NRXN3: variants seen among roughly 807,000 people sequenced by gnomAD.
NRXN3 encodes neurexin III.
A neutral mutation model predicts 137.6 loss-of-function variants in NRXN3; 32 were observed. The observed-to-expected ratio is 0.23, with a 90% CI of 0.18 to 0.31. The LOEUF is 0.31. Ranked by LOEUF, NRXN3 falls within the 10% of genes least tolerant of loss-of-function variation. NRXN3 has a pLI of 1.00. For missense variants in NRXN3, 1,574 were observed against 2,062.5 expected, an observed-to-expected ratio of 0.76 and a Z score of 4.59; for synonymous variants, 798 against 784.5, an observed-to-expected ratio of 1.02 and a Z score of -0.29.
At chr14:79,122,546 A>C (rs1236613583) in intron 15 of NRXN3, among the ~76,000 whole-genome samples, 1 of 152,230 alleles carries the variant, frequency 6.6e-6, no homozygotes, top group Non-Finnish European at 1.5e-5. Flanking sequence ...AGACATTCTA[A>C]TATTATTTGG....
intron 19 of NRXN3, among the ~76,000 whole-genome samples, chr14:79,703,647 C>G (rs375191359): frequency 1.3e-5 from 2 of 151,952 alleles, no homozygotes; most frequent in Non-Finnish European, 1.5e-5. Context: ...CCTGATCCCC[C>G]CTCCCACCAG....
rs753283580 is a variant in NRXN3 at position 79,861,911 on chromosome 14, T to C, written c.4663T>C (p.Ser1555Pro). The C allele has an allele frequency of 6.2e-7, 1 of 1,613,884 alleles. No individual in the cohort carries two copies. Among genetic ancestry groups the C allele is most frequent in the South Asian group, 1.1e-5 (1 of 91,054 alleles). ...GCTCATGAAGGAGAAGCAGCAGAGC[T>C]CGAAGAGCGGCCACAAGAAACAGAA... is the stretch of plus-strand genomic sequence containing the variant. ...GTLMKEKQQSSKSGHKKQKNK... is the reference protein window; with the variant it reads ...GTLMKEKQQSPKSGHKKQKNK... The change falls in exon 21 of 21, where the codon TCG (serine) becomes CCG (proline). Residue 1555 changes from serine (S) to proline (P), a missense_variant. By Grantham distance (74) the Ser-to-Pro change is moderately conservative. Around this residue, in one of 5 missense-constraint regions of NRXN3, gnomAD observed 320 missense variants for 387.1 expected, o/e 0.83. Transcript: ENST00000335750. This position sits in a 1 kb window ranked among gnomAD's most constrained non-coding sequence, Gnocchi z 5.4.
intron 15 of NRXN3, among the ~76,000 whole-genome samples, chr14:79,031,202 G>A (rs947961131): frequency 6.6e-6 from 1 of 152,022 alleles, no homozygotes; most frequent in Non-Finnish European, 1.5e-5. Flanking sequence ...CTGCTCAGAG[G>A]CAATTGTTTG....
chr14:78,654,077 A>G (rs1003025806), intron 6 of NRXN3, among the ~76,000 whole-genome samples: 1 of 152,226 alleles, frequency 6.6e-6, no homozygotes, highest in Non-Finnish European at 1.5e-5. Flanking sequence ...TGAACAGATC[A>G]CTTTGAGTCT....
intron 15 of NRXN3, among the ~76,000 whole-genome samples, chr14:79,199,129 T>G (rs2065556293): frequency 6.6e-6 from 1 of 151,870 alleles, no homozygotes; most frequent in South Asian, 2.1e-4. Flanking sequence ...ATGGCGCCAC[T>G]GCGCTCCAGC....
intron 4 of NRXN3, among the ~76,000 whole-genome samples, chr14:78,620,283 G>A (rs893604320): frequency 1.3e-5 from 2 of 152,222 alleles, no homozygotes; most frequent in African/African-American, 4.8e-5. Flanking sequence ...AATGTTTACT[G>A]AGGTGTCTCC....
intron 15 of NRXN3, among the ~76,000 whole-genome samples, chr14:79,237,175 G>T (rs1267905611): frequency 6.6e-6 from 1 of 151,910 alleles, no homozygotes; most frequent in African/African-American, 2.4e-5. Flanking sequence ...TGTTGCAGTA[G>T]AGGAATTTGG....
chr14:79,615,914 G>A (rs1044594752), intron 16 of NRXN3, among the ~76,000 whole-genome samples: 4 of 152,082 alleles, frequency 2.6e-5, no homozygotes, highest in Admixed American at 6.6e-5. Context: ...ATTCTTTGAG[G>A]TATTATTCCC....
chr14:78,267,193 A>G (rs996983656), intron 2 of NRXN3, among the ~76,000 whole-genome samples: 1 of 152,184 alleles, frequency 6.6e-6, no homozygotes, highest in Admixed American at 6.5e-5. Context: ...TTTTATATAC[A>G]ATTGATTCTT....
At chr14:78,420,940 A>G (rs2093417398) in intron 4 of NRXN3, among the ~76,000 whole-genome samples, 1 of 152,146 alleles carries the variant, frequency 6.6e-6, no homozygotes. Flanking sequence ...AACTTATGAG[A>G]GTTGGAGAGC....
intron 4 of NRXN3, among the ~76,000 whole-genome samples, chr14:78,335,873 C>T (rs549352829): frequency 3.3e-5 from 5 of 152,122 alleles, no homozygotes; most frequent in Admixed American, 1.3e-4. Context: ...ATGGGAAAAG[C>T]CTGAGTCTAG....
intron 4 of NRXN3, among the ~76,000 whole-genome samples, chr14:78,359,401 GC>G (rs914536673): frequency 6.6e-6 from 1 of 152,162 alleles, no homozygotes; most frequent in African/African-American, 2.4e-5. Context: ...GTCACAGAGG[GC>G]CCCGTGCTCA....
rs1349173783 is a variant in NRXN3, at chr14:79,175,872, TTGTAG to T, written c.3262+187733_3262+187737del. On this transcript the variant is annotated intron_variant, in intron 15 of 20. Coordinates refer to ENST00000335750, the MANE Select transcript of NRXN3 (RefSeq NM_001330195.2). ...TTCCTGGCTAAGTTACAAAACAGTGTTGTAGTCGTGAAACTGAATATCATCAGCAC... is the reference window on the plus strand; with the variant it reads ...TTCCTGGCTAAGTTACAAAACAGTGTTCGTGAAACTGAATATCATCAGCAC... Among the ~76,000 whole-genome samples the T allele has an allele frequency of 2.0e-5, 3 of 152,340 alleles. No individual in the cohort carries two copies. In the East Asian group the frequency reaches 5.8e-4, roughly 29 times the overall value.
chr14:78,645,919 C>T (rs899652102), intron 5 of NRXN3, among the ~76,000 whole-genome samples: 3 of 152,088 alleles, frequency 2.0e-5, no homozygotes, highest in Non-Finnish European at 4.4e-5. Context: ...ATTTACTACC[C>T]TTTCCCAACT....
chr14:79,585,966 C>T (rs374505337), intron 16 of NRXN3, among the ~76,000 whole-genome samples: 4 of 152,204 alleles, frequency 2.6e-5, no homozygotes, highest in Admixed American at 1.3e-4. Context: ...TTACAGCATA[C>T]GAACGCCAAG....
chr14:79,791,840 T>C (rs1003234360), intron 19 of NRXN3, among the ~76,000 whole-genome samples: 5 of 152,132 alleles, frequency 3.3e-5, no homozygotes, highest in African/African-American at 1.2e-4. Flanking sequence ...TGGCCACTTT[T>C]AGTTGCAAAG....
At chr14:78,589,957 GAAACAAACAAACAAAA>G (rs944445224) in intron 4 of NRXN3, among the ~76,000 whole-genome samples, 2 of 152,076 alleles carry the variant, frequency 1.3e-5, no homozygotes, top group Admixed American at 6.5e-5. Context: ...AACTCCGTTT[GAAACAAACAAACAAAA>G]AAACAAACAA....
chr14:78,274,269 ACT>A (rs2073243645), intron 2 of NRXN3, among the ~76,000 whole-genome samples: 1 of 151,980 alleles, frequency 6.6e-6, no homozygotes, highest in Non-Finnish European at 1.5e-5. Flanking sequence ...GGTTTGATTG[ACT>A]CTCAGTTCTG....
At chr14:79,062,037 T>C (rs752631719) in intron 15 of NRXN3, among the ~76,000 whole-genome samples, 1 of 152,234 alleles carries the variant, frequency 6.6e-6, no homozygotes, top group Non-Finnish European at 1.5e-5. Context: ...TACTGAAGCA[T>C]GTTCATTTAT....
Sources: allele counts gnomAD v4.1 joint callset (sites outside exome capture counted in the v4.1 genomes callset), GRCh38; gene constraint gnomAD v4.1.1; regional missense constraint gnomAD v4.1.1; non-coding constraint Gnocchi (gnomAD v3.1); transcripts MANE v1.5; gene names NCBI Gene and HGNC (gene_info 2026-07-23, HGNC 2026-07-21).